FUT8: variants seen among roughly 807,000 people sequenced by gnomAD.
The protein encoded by FUT8 is alpha-(1,6)-fucosyltransferase.
FUT8 carries 29 observed loss-of-function variants against 71.3 expected under a neutral mutation model. The observed-to-expected ratio is 0.41, with a 90% CI of 0.30 to 0.55. FUT8 has a LOEUF of 0.55. Ranked by LOEUF, FUT8 falls within the 20% of genes least tolerant of loss-of-function variation. FUT8 has a pLI of 0.34. For synonymous variants in FUT8, 254 were observed against 239.3 expected, an observed-to-expected ratio of 1.06 and a Z score of -0.57; for missense variants, 544 against 702.1, an observed-to-expected ratio of 0.77 and a Z score of 2.55.
chr14:65,544,969 A>ATCCTCTCCTCTTCCTTCCCC (rs1160655571), intron 2 of FUT8, among the ~76,000 whole-genome samples: 1 of 149,540 alleles, frequency 6.7e-6, no homozygotes, highest in South Asian at 2.1e-4. Flanking sequence ...CTCTCTTTTC[A>ATCCTCTCCTCTTCCTTCCCC]TCCTCTCCTC....
At chr14:65,490,075 A>G (rs1459463836) in intron 2 of FUT8, among the ~76,000 whole-genome samples, 3 of 152,060 alleles carry the variant, frequency 2.0e-5, no homozygotes, top group Non-Finnish European at 4.4e-5. Context: ...GTTATTATTT[A>G]AATGTAATTG....
At chr14:65,738,118 T>A (rs1363950118) in intron 10 of FUT8, among the ~76,000 whole-genome samples, 1 of 152,116 alleles carries the variant, frequency 6.6e-6, no homozygotes, top group Non-Finnish European at 1.5e-5. Context: ...CTATCTAGCT[T>A]ACAATGCTGA....
chr14:65,456,259 A>G (rs1224943944), intron 2 of FUT8, among the ~76,000 whole-genome samples: 1 of 152,160 alleles, frequency 6.6e-6, no homozygotes, highest in African/African-American at 2.4e-5. Flanking sequence ...TTATACCTCA[A>G]TCCCTAGCAA....
chr14:65,669,924 A>G lies in FUT8; in HGVS notation c.835+444A>G, dbSNP rs1388455872. 6.6e-6 allele frequency among the ~76,000 whole-genome samples: 1 copy of G among 152,226 alleles called. No individual in the cohort carries two copies. The highest frequency in any genetic ancestry group is 1.5e-5 in the Non-Finnish European group (1 of 68,030). On this transcript the variant is annotated intron_variant, in intron 7 of 10. Coordinates refer to ENST00000673929, the MANE Select transcript of FUT8 (RefSeq NM_001371533.1). The surrounding 1 kb of genome is among the most constrained non-coding windows in gnomAD (Gnocchi z 4.5). The stretch of plus-strand genomic sequence containing the variant: ...CTCCATTTTCTGTTAAGGAAGGTCT[A>G]GGCTGCAGCCTGAGAGTTTTAATAT...
intron 3 of FUT8, among the ~76,000 whole-genome samples, chr14:65,569,989 C>T (rs1362700234): frequency 6.6e-6 from 1 of 151,998 alleles, no homozygotes; most frequent in Non-Finnish European, 1.5e-5. Flanking sequence ...AAGTATAGGA[C>T]ATTTCTTCTG....
intron 7 of FUT8, among the ~76,000 whole-genome samples, chr14:65,709,676 G>GA (rs1894722410): frequency 2.0e-5 from 3 of 152,146 alleles, no homozygotes; most frequent in Non-Finnish European, 2.9e-5. Flanking sequence ...CCCTTAGAAT[G>GA]AAAAAGTACA....
intron 2 of FUT8, among the ~76,000 whole-genome samples, chr14:65,503,822 T>G (rs1366390235): frequency 1.3e-5 from 2 of 152,204 alleles, no homozygotes; most frequent in African/African-American, 4.8e-5. Flanking sequence ...AAAATGGAAG[T>G]TAAGGATTCA....
upstream of FUT8, among the ~76,000 whole-genome samples, chr14:65,407,442 A>C (rs552989623): frequency 6.6e-6 from 1 of 152,302 alleles, no homozygotes; most frequent in South Asian, 2.1e-4. Context: ...ATGATCTATT[A>C]CATTAAAATG....
intron 2 of FUT8, among the ~76,000 whole-genome samples, chr14:65,555,934 G>A (rs145623339): frequency 1.0e-3 from 155 of 152,182 alleles, no homozygotes; most frequent in African/African-American, 3.5e-3. Context: ...TGTAAATTGA[G>A]TTTTGTTTTA....
chr14:65,647,270 A>G (rs1891165196), intron 6 of FUT8, among the ~76,000 whole-genome samples: 1 of 152,182 alleles, frequency 6.6e-6, no homozygotes, highest in African/African-American at 2.4e-5. Context: ...TTCCTCTAGT[A>G]TGTTAAAGTA....
At chr14:65,630,781 CA>C (rs749404974) in intron 6 of FUT8, among the ~76,000 whole-genome samples, 1 of 152,082 alleles carries the variant, frequency 6.6e-6, no homozygotes, top group Non-Finnish European at 1.5e-5. Flanking sequence ...GAATAGTTTT[CA>C]GGGGAAAACA....
chr14:65,619,830 C>T (rs576628227), intron 5 of FUT8, among the ~76,000 whole-genome samples: 2 of 152,278 alleles, frequency 1.3e-5, no homozygotes, highest in East Asian at 3.9e-4. Flanking sequence ...CTTTTGATAT[C>T]ATTGATCATG....
rs142130798 is a variant in FUT8 at position 65,735,309 on chromosome 14, A to G, written c.1410+1928A>G. On this transcript the variant is annotated intron_variant, in intron 10 of 10. Coordinates refer to ENST00000673929, the MANE Select transcript of FUT8 (RefSeq NM_001371533.1). ...TACAAATCAGGATCTCTGTCACTTC[A>G]TGATGGTAGAATTCTGTCTAGGCTT... Among the ~76,000 whole-genome samples, 719 of 152,212 alleles carry G rather than the reference A, an allele frequency of 4.7e-3. 7 individuals carry two copies. The highest frequency in any genetic ancestry group is 0.017 in the African/African-American group (688 of 41,518).
At chr14:65,453,777 T>TTG (rs2065860220) in intron 1 of FUT8, among the ~76,000 whole-genome samples, 1 of 152,010 alleles carries the variant, frequency 6.6e-6, no homozygotes, top group Admixed American at 6.6e-5. Context: ...TAGTATTTAG[T>TTG]TGATGACTCA....
At chr14:65,735,389 G>A (rs1339355466) in intron 10 of FUT8, among the ~76,000 whole-genome samples, 1 of 152,104 alleles carries the variant, frequency 6.6e-6, no homozygotes, top group Non-Finnish European at 1.5e-5. Flanking sequence ...GTCAACTTCA[G>A]TGTATTCAGA....
chr14:65,641,406 T>C (rs1419253075), intron 6 of FUT8, among the ~76,000 whole-genome samples: 1 of 152,214 alleles, frequency 6.6e-6, no homozygotes, highest in East Asian at 1.9e-4. Flanking sequence ...AATTTACTTA[T>C]TTGCCTGTTG....
intron 3 of FUT8, among the ~76,000 whole-genome samples, chr14:65,582,961 G>T (rs752228020): frequency 6.6e-6 from 1 of 152,120 alleles, no homozygotes; most frequent in Non-Finnish European, 1.5e-5. Context: ...ACTTAGTCCA[G>T]TACCTCTGGC....
At position 65,483,984 on chromosome 14, in the gene FUT8, C is replaced by T. The variant is rs1191352546; in HGVS notation, c.-228+28266C>T. Among the ~76,000 whole-genome samples, 1 of 152,160 alleles carries T rather than the reference C, an allele frequency of 6.6e-6. No homozygotes were observed. The highest frequency in any genetic ancestry group is 1.5e-5 in the Non-Finnish European group (1 of 68,026). ...CTCAAGTATCTGCCCTCCTCGGCCT[C>T]CCAAAGTGCTGGGATTAAAGGCGTG... is the stretch of plus-strand genomic sequence containing the variant. On this transcript the variant is annotated intron_variant, in intron 2 of 10. Transcript: ENST00000673929. This position sits in a 1 kb window ranked among gnomAD's most constrained non-coding sequence, Gnocchi z 4.4.
chr14:65,722,900 G>A (rs56182635), intron 8 of FUT8, among the ~76,000 whole-genome samples: 15,998 of 152,134 alleles, frequency 0.11, 1,107 homozygotes, highest in African/African-American at 0.18. Context: ...ACCTAAAGGC[G>A]TATAAGTCTA....
Sources: allele counts gnomAD v4.1 joint callset (sites outside exome capture counted in the v4.1 genomes callset), GRCh38; gene constraint gnomAD v4.1.1; non-coding constraint Gnocchi (gnomAD v3.1); transcripts MANE v1.5; gene names NCBI Gene and HGNC (gene_info 2026-07-23, HGNC 2026-07-21).